Variants in SNX29 observed in about 807,000 individuals in gnomAD.
The protein encoded by SNX29 is sorting nexin 29.
SNX29 carries 78 observed loss-of-function variants against 102.1 expected under a neutral mutation model. The observed-to-expected ratio is 0.76, with a 90% confidence interval of 0.64 to 0.92. The LOEUF (loss-of-function observed/expected upper bound fraction) is 0.92, where lower values mean the gene tolerates loss of function less well. Ranked by LOEUF, SNX29 falls within the 40% of genes least tolerant of loss-of-function variation. The probability of loss-of-function intolerance (pLI) is 0.00; values close to 1 mark genes in which losing one functional copy is unlikely to be tolerated. For missense variants in SNX29, 1,280 were observed against 1,061.7 expected (o/e 1.21, Z -2.86); for synonymous variants, 580 against 414.5 (o/e 1.40, Z -4.85).
chr16:11,987,448 G>C (rs2055676216), intron 1 of SNX29, among the ~76,000 whole-genome samples: 1 of 149,856 alleles, frequency 6.7e-6, no homozygotes, highest in African/African-American at 2.5e-5. Flanking sequence ...CTGTCACCCA[G>C]GCTGGAGTGC....
At chr16:12,213,648 G>C (rs1221510971) in intron 14 of SNX29, among the ~76,000 whole-genome samples, 1 of 152,202 alleles carries the variant, frequency 6.6e-6, no homozygotes, top group Non-Finnish European at 1.5e-5. Flanking sequence ...ACACCTGTAA[G>C]TTAGTTTCTC....
intron 8 of SNX29, among the ~76,000 whole-genome samples, chr16:12,058,915 C>G (rs968977179): frequency 2.0e-5 from 3 of 151,518 alleles, no homozygotes; most frequent in African/African-American, 7.3e-5. Context: ...ACCTCAGCCC[C>G]TCCAGTAGCT....
intron 13 of SNX29, among the ~76,000 whole-genome samples, chr16:12,134,412 C>T (rs1244603948): frequency 6.6e-6 from 1 of 152,128 alleles, no homozygotes; most frequent in Non-Finnish European, 1.5e-5. Flanking sequence ...AAGCTGTTGG[C>T]CAGAGTTGCT....
intron 15 of SNX29, among the ~76,000 whole-genome samples, chr16:12,348,698 A>G (rs2081902034): frequency 6.6e-6 from 1 of 152,094 alleles, no homozygotes; most frequent in African/African-American, 2.4e-5. Context: ...GAGAGGGAGG[A>G]GAGAGGAGTG....
chr16:12,519,549 T>C (rs1490406452), intron 19 of SNX29, among the ~76,000 whole-genome samples: 1 of 152,178 alleles, frequency 6.6e-6, no homozygotes, highest in Non-Finnish European at 1.5e-5. Context: ...CTGAAGTATT[T>C]AGGAGTAAAA....
intron 18 of SNX29, among the ~76,000 whole-genome samples, chr16:12,404,669 G>C (rs951688760): frequency 5.9e-5 from 9 of 152,154 alleles, no homozygotes; most frequent in African/African-American, 1.9e-4. Context: ...CCAAAGAGTG[G>C]GGTGTTGAAG....
intron 16 of SNX29, among the ~76,000 whole-genome samples, chr16:12,359,157 C>G (rs558224221): frequency 7.9e-4 from 120 of 152,300 alleles, no homozygotes; most frequent in African/African-American, 2.7e-3. Context: ...GGATCTGATG[C>G]TGTCTCCAGG....
chr16:12,088,880 G>T (rs1387367716), intron 11 of SNX29, among the ~76,000 whole-genome samples: 1 of 152,230 alleles, frequency 6.6e-6, no homozygotes, highest in Non-Finnish European at 1.5e-5. Flanking sequence ...TTGAGGTCAG[G>T]AGTTCGAGAC....
chr16:12,230,782 C>G (rs528631467), intron 14 of SNX29, among the ~76,000 whole-genome samples: 2 of 152,216 alleles, frequency 1.3e-5, no homozygotes, highest in African/African-American at 4.8e-5. Context: ...GCAATTGTGA[C>G]TCTTAAGAAT....
At chr16:12,487,525 A>T (rs1597574804) in intron 19 of SNX29, among the ~76,000 whole-genome samples, 1 of 152,170 alleles carries the variant, frequency 6.6e-6, no homozygotes, top group South Asian at 2.1e-4. Flanking sequence ...GGAGCCAGGA[A>T]TTGAGCCGAA....
rs1460538113 is a variant in SNX29, at chr16:12,271,496, A to G, written c.1679-6437A>G. On this transcript the variant is annotated intron_variant, in intron 14 of 20. Coordinates refer to ENST00000566228, the MANE Select transcript of SNX29 (RefSeq NM_032167.5). The stretch of plus-strand genomic sequence containing the variant: ...TAGTCTGTTTATTGGAGGTGAGTCA[A>G]TAAACATAGTCTGTTTATTGGAGGT... Among the ~76,000 whole-genome samples, 5 of 152,242 alleles carry G rather than the reference A, an allele frequency of 3.3e-5. No individual in the cohort carries two copies. In the East Asian group the frequency reaches 7.7e-4, roughly 23 times the overall value.
intron 20 of SNX29, among the ~76,000 whole-genome samples, chr16:12,551,098 A>G (rs938623259): frequency 3.9e-5 from 6 of 152,066 alleles, no homozygotes; most frequent in Non-Finnish European, 8.8e-5. Flanking sequence ...CTTTGCTTGG[A>G]TGAAATCTGG....
At chr16:12,033,657 A>AGTGCAGTG (rs1265933864) in intron 4 of SNX29, among the ~76,000 whole-genome samples, 1 of 146,164 alleles carries the variant, frequency 6.8e-6, no homozygotes, top group Admixed American at 7.0e-5. Flanking sequence ...CCCATGCTGG[A>AGTGCAGTG]GTGCAGTGGT....
chr16:12,393,435 G>T (rs11645083), intron 16 of SNX29, among the ~76,000 whole-genome samples: 20,298 of 134,564 alleles, frequency 0.15, 1,565 homozygotes, highest in Middle Eastern at 0.25. Flanking sequence ...CATTCATTCA[G>T]TGTGTTAGTT....
chr16:12,281,756 CAA>C (rs1022174308), intron 15 of SNX29, among the ~76,000 whole-genome samples: 2 of 152,018 alleles, frequency 1.3e-5, no homozygotes, highest in African/African-American at 4.8e-5. Flanking sequence ...GTAACTTTCC[CAA>C]GAGTCCTTAG....
Position 12,572,220 on chromosome 16 carries a change from C to T in SNX29, c.*3591C>T, listed in dbSNP as rs1427260073. 1 of 1,000,544 alleles carries T rather than the reference C, an allele frequency of 1.0e-6. No homozygotes were observed. The highest frequency in any genetic ancestry group is 5.1e-5 in the East Asian group (1 of 19,426). 62.0% of individuals were successfully genotyped at this position (1,000,544 alleles called of 1,614,324 possible). A position where few individuals can be genotyped will look rare whatever the true frequency, so the allele number is the denominator to read the frequency against. On this transcript the variant is annotated 3_prime_UTR_variant, in exon 21 of 21. Coordinates refer to ENST00000566228, the MANE Select transcript of SNX29 (RefSeq NM_032167.5). Reference sequence around the variant, plus strand: ...AGTATTGTGCTTTAAAAACCAGAGGCTCCTGAAAGTCGTTTACACCAGGTG... The same window carrying T: ...AGTATTGTGCTTTAAAAACCAGAGGTTCCTGAAAGTCGTTTACACCAGGTG...
chr16:12,351,648 A>T (rs1366879506), intron 15 of SNX29, among the ~76,000 whole-genome samples: 1 of 152,150 alleles, frequency 6.6e-6, no homozygotes, highest in Non-Finnish European at 1.5e-5. Context: ...ATTTTTACAG[A>T]CTTAAAAGTT....
At chr16:12,205,048 C>T (rs931244341) in intron 14 of SNX29, among the ~76,000 whole-genome samples, 15 of 152,230 alleles carry the variant, frequency 9.9e-5, no homozygotes, top group African/African-American at 3.6e-4. Flanking sequence ...ATGTCAGTTT[C>T]CCCGGCCTTC....
intron 16 of SNX29, among the ~76,000 whole-genome samples, chr16:12,364,181 A>ATGTTT (rs761675041): frequency 1.3e-5 from 2 of 150,226 alleles, no homozygotes; most frequent in Non-Finnish European, 2.9e-5. Context: ...ATGTTATGTT[A>ATGTTT]TGTTATGTTA....
Sources: gnomAD v4.1 joint callset for allele counts (sites outside exome capture counted in the v4.1 genomes callset) on GRCh38, gnomAD v4.1.1 for gene constraint, MANE v1.5 for transcripts, NCBI Gene and HGNC (gene_info 2026-07-23, HGNC 2026-07-21) for gene names.